SEMA5A: variants seen among roughly 807,000 people sequenced by gnomAD.
SEMA5A encodes the protein semaphorin-5A.
In SEMA5A, 55 loss-of-function variants were observed where a neutral mutation model predicts 135.5. The observed-to-expected ratio is 0.41, with a 90% CI of 0.33 to 0.51. SEMA5A has a LOEUF of 0.51. SEMA5A is among the 20% of genes least tolerant of loss of function. The pLI is 0.37. For synonymous variants in SEMA5A, 580 were observed against 546.5 expected (o/e 1.06, Z -0.85); for missense variants, 1,290 against 1,419.9 (o/e 0.91, Z 1.47).
chr5:9,322,258 G>T (rs1752662932), intron 4 of SEMA5A, among the ~76,000 whole-genome samples: 1 of 152,140 alleles, frequency 6.6e-6, no homozygotes, highest in Non-Finnish European at 1.5e-5. Flanking sequence ...ATTGCTAGTG[G>T]AGTTTAACCA....
rs183512339 is a variant in SEMA5A, at chr5:9,157,160, A to G, written c.1274-2465T>C. 1.1e-4 allele frequency among the ~76,000 whole-genome samples: 17 copies of G among 150,232 alleles called. 1 individual carries two copies. The highest frequency in any genetic ancestry group is 2.7e-4 in the African/African-American group (11 of 41,310). ...CTCCACAGTTCCCCCTTCCCTCTGC[A>G]TCAGGTTTAGCACACAAAGACCCTT... On this transcript the variant is annotated intron_variant, in intron 11 of 22. Coordinates refer to ENST00000382496, the MANE Select transcript of SEMA5A (RefSeq NM_003966.3).
chr5:9,353,354 G>GGAAAGGAAAGGAAAGGA (rs1754288041), intron 3 of SEMA5A, among the ~76,000 whole-genome samples: 12 of 54,360 alleles, frequency 2.2e-4, no homozygotes, highest in East Asian at 6.9e-4. Flanking sequence ...AAAGGAAAGG[G>GGAAAGGAAAGGAAAGGA]AAGGAAAGGA....
intron 2 of SEMA5A, among the ~76,000 whole-genome samples, chr5:9,436,410 C>T (rs966407789): frequency 2.9e-4 from 44 of 152,124 alleles, no homozygotes; most frequent in African/African-American, 8.0e-4. Context: ...TGCAGACCTC[C>T]GTTTCTTCTT....
intron 13 of SEMA5A, among the ~76,000 whole-genome samples, chr5:9,130,721 A>G (rs1741363083): frequency 6.6e-6 from 1 of 152,220 alleles, no homozygotes; most frequent in African/African-American, 2.4e-5. Flanking sequence ...TTATATTAAG[A>G]TTCTATCACA....
In SEMA5A at chr5:9,207,876, GATAGATAGATAGATAGATAGATAC is replaced by G. The variant is rs1444529262; in HGVS notation, c.647-5660_647-5637del. Among the ~76,000 whole-genome samples the G allele has an allele frequency of 7.8e-4, 110 of 140,950 alleles. 1 individual carries two copies. The highest frequency in any genetic ancestry group is 2.6e-3 in the African/African-American group (86 of 33,324). The allele number at this position is 140,950 out of a possible 152,430, so 92.5% of individuals were successfully genotyped here. ...TGATAGATAGATAGATAGATAGATA[GATAGATAGATAGATAGATAGATAC>G]ATAGATAGATAGATAATAGATAGAT... On this transcript the variant is annotated intron_variant, in intron 8 of 22. Coordinates refer to ENST00000382496, the MANE Select transcript of SEMA5A (RefSeq NM_003966.3).
chr5:9,259,484 A>G (rs1464904380), intron 5 of SEMA5A, among the ~76,000 whole-genome samples: 1 of 149,998 alleles, frequency 6.7e-6, no homozygotes, highest in Admixed American at 6.7e-5. Flanking sequence ...TATGTGGTCA[A>G]TCTTGGAATA....
chr5:9,537,500 C>T (rs1579706590), intron 1 of SEMA5A, among the ~76,000 whole-genome samples: 1 of 152,214 alleles, frequency 6.6e-6, no homozygotes, highest in Non-Finnish European at 1.5e-5. Flanking sequence ...ACCCACCCCA[C>T]TGCCATCTAA....
At chr5:9,504,297 T>C (rs1332409589) in intron 1 of SEMA5A, among the ~76,000 whole-genome samples, 3 of 151,426 alleles carry the variant, frequency 2.0e-5, no homozygotes, top group Non-Finnish European at 2.9e-5. Flanking sequence ...TGCAATCTTC[T>C]TGCTAATATT....
chr5:9,481,846 G>A lies in SEMA5A; in HGVS notation c.-174-43994C>T, dbSNP rs923565285. Reference sequence around the variant, plus strand: ...GACTTGTCCTCGATATCTAAACAAAGAGCACATCCCTAACAGGGGGACCAA... The same window carrying A: ...GACTTGTCCTCGATATCTAAACAAAAAGCACATCCCTAACAGGGGGACCAA... On this transcript the variant is annotated intron_variant, in intron 1 of 22. Transcript: ENST00000382496. Among the ~76,000 whole-genome samples the A allele has an allele frequency of 2.0e-5, 3 of 152,128 alleles. No homozygotes were observed. In the South Asian group the frequency reaches 6.2e-4, roughly 32 times the overall value.
At chr5:9,482,174 G>C (rs1341062863) in intron 1 of SEMA5A, among the ~76,000 whole-genome samples, 1 of 152,188 alleles carries the variant, frequency 6.6e-6, no homozygotes, top group Non-Finnish European at 1.5e-5. Flanking sequence ...GCCAGGAGCT[G>C]AGAGCTGAAC....
intron 12 of SEMA5A, among the ~76,000 whole-genome samples, chr5:9,141,378 A>G (rs1742055686): frequency 6.6e-6 from 1 of 152,232 alleles, no homozygotes; most frequent in South Asian, 2.1e-4. Flanking sequence ...AATTGTAAAC[A>G]TATGTCATAG....
At chr5:9,508,248 T>C (rs763486974) in intron 1 of SEMA5A, among the ~76,000 whole-genome samples, 5 of 152,164 alleles carry the variant, frequency 3.3e-5, no homozygotes, top group African/African-American at 4.8e-5. Flanking sequence ...TTGAGCAAGA[T>C]GCCAGGGAGT....
intron 5 of SEMA5A, among the ~76,000 whole-genome samples, chr5:9,295,174 C>T (rs1037770041): frequency 7.9e-5 from 12 of 152,154 alleles, no homozygotes; most frequent in Admixed American, 5.9e-4. Flanking sequence ...TAGGGATTCC[C>T]GCTACCCCAA....
At chr5:9,333,140 T>G (rs1419216059) in intron 4 of SEMA5A, among the ~76,000 whole-genome samples, 1 of 152,170 alleles carries the variant, frequency 6.6e-6, no homozygotes, top group Non-Finnish European at 1.5e-5. Context: ...AATTCACATT[T>G]TAGAAACTGA....
At chr5:9,402,374 CT>C (rs1756695347) in intron 2 of SEMA5A, among the ~76,000 whole-genome samples, 1 of 152,210 alleles carries the variant, frequency 6.6e-6, no homozygotes, top group African/African-American at 2.4e-5. Context: ...TCTATAGGCC[CT>C]TTGAGCTCTT....
intron 5 of SEMA5A, among the ~76,000 whole-genome samples, chr5:9,287,229 C>T (rs1490154052): frequency 2.6e-5 from 4 of 152,220 alleles, no homozygotes; most frequent in South Asian, 2.1e-4. Flanking sequence ...CAGCATGATC[C>T]GAAAAATGCC....
chr5:9,406,792 T>C (rs1409889886), intron 2 of SEMA5A, among the ~76,000 whole-genome samples: 2 of 152,154 alleles, frequency 1.3e-5, no homozygotes, highest in East Asian at 3.8e-4. Flanking sequence ...TGTACGGAAA[T>C]GATATTAAAT....
intron 4 of SEMA5A, among the ~76,000 whole-genome samples, chr5:9,335,929 G>C (rs1463224366): frequency 6.6e-6 from 1 of 152,096 alleles, no homozygotes; most frequent in Non-Finnish European, 1.5e-5. Context: ...CTTGCCTTCT[G>C]GTAAGTCACC....
At chr5:9,195,884 A>G (rs1379662237) in intron 10 of SEMA5A, among the ~76,000 whole-genome samples, 1 of 152,254 alleles carries the variant, frequency 6.6e-6, no homozygotes, top group Admixed American at 6.5e-5. Flanking sequence ...AATAATAGTA[A>G]CTAATGGCCA....
Sources: gnomAD v4.1 joint callset for allele counts (sites outside exome capture counted in the v4.1 genomes callset) on GRCh38, gnomAD v4.1.1 for gene constraint, MANE v1.5 for transcripts, NCBI Gene and HGNC (gene_info 2026-07-23, HGNC 2026-07-21) for gene names.